ATP2B3: variants seen among roughly 807,000 people sequenced by gnomAD.
The protein encoded by ATP2B3 is plasma membrane calcium-transporting ATPase 3.
In ATP2B3, 12 loss-of-function variants were observed where a neutral mutation model predicts 70.8. The observed-to-expected ratio is 0.17, with a 90% CI of 0.11 to 0.27. The LOEUF (loss-of-function observed/expected upper bound fraction) is 0.27, where lower values mean the gene tolerates loss of function less well. Ranked by LOEUF, ATP2B3 falls within the 10% of genes least tolerant of loss-of-function variation. The probability of loss-of-function intolerance (pLI) is 1.00; values close to 1 mark genes in which losing one functional copy is unlikely to be tolerated. For missense variants in ATP2B3, 858 were observed against 1,118.5 expected (o/e 0.77, Z 3.32); for synonymous variants, 460 against 497.8 (o/e 0.92, Z 1.01).
intron 21 of ATP2B3, among the ~76,000 whole-genome samples, chrX:153,565,828 G>A (rs1324466448): frequency 8.0e-5 from 9 of 112,369 alleles, no homozygotes; most frequent in Non-Finnish European, 1.3e-4. Flanking sequence ...CCTGGCCTCT[G>A]CCCACCACTC....
At position 153,560,847 on chromosome X, in the gene ATP2B3, C is replaced by G; in HGVS notation, c.3011C>G (p.Pro1004Arg). Residue 1004 changes from proline to arginine, a missense_variant, in exon 19 of 22, where the codon CCC becomes CGC. This residue lies in a region of ATP2B3 where 265 missense variants were observed against 305.3 expected (regional missense o/e 0.87). Transcript: ENST00000263519. Reference sequence around the variant, plus strand: ...GTGTTCGACGGCATCTTCAGCAACCCCATCTTCTGCACCATCGTTTTGGGC... The same window carrying G: ...GTGTTCGACGGCATCTTCAGCAACCGCATCTTCTGCACCATCGTTTTGGGC... ...RNVFDGIFSN[P>R]IFCTIVLGTF... The G allele has an allele frequency of 4.1e-6, 5 of 1,212,076 alleles. No homozygotes were observed. The highest frequency in any genetic ancestry group is 5.6e-6 in the Non-Finnish European group (5 of 895,567).
chrX:153,579,892 C>G, intron 21 of ATP2B3, 86 bp from the exon 22 acceptor site: 2 of 895,674 alleles, frequency 2.2e-6, no homozygotes, highest in Non-Finnish European at 3.2e-6. Context: ...TCCTTCCTAC[C>G]TTCCTTCCAC....
At chrX:153,561,024 C>T (rs1016675458) in intron 19 of ATP2B3, 137 bp downstream of exon 19, 10 of 670,045 alleles carry the variant, frequency 1.5e-5, no homozygotes, top group Non-Finnish European at 2.3e-6. Flanking sequence ...ACCTGGCTTT[C>T]CTGTAGCCCC....
At chrX:153,543,936 C>A (rs1161007802) in intron 7 of ATP2B3, among the ~76,000 whole-genome samples, 1 of 36,534 alleles carries the variant, frequency 2.7e-5, no homozygotes, top group South Asian at 1.7e-3. Flanking sequence ...GGCCAGTGCG[C>A]GGGGTGTGGG....
intron 9 of ATP2B3, 118 bp from the exon 10 acceptor site, chrX:153,548,522 C>A (rs782078777): frequency 1.5e-6 from 1 of 654,709 alleles, no homozygotes; most frequent in Non-Finnish European, 2.3e-6. Context: ...CAAGGCAAAT[C>A]TACAAGGCCT....
chrX:153,580,328 G>T lies in ATP2B3; in HGVS notation c.*30G>T. On this transcript the variant is annotated 3_prime_UTR_variant, in exon 22 of 22. Coordinates refer to ENST00000263519, the MANE Select transcript of ATP2B3 (RefSeq NM_001001344.3). Reference sequence around the variant, plus strand: ...AACTTGTCTCAGCACATGCGCACACGCACACTCGGACTCACACGAAGTCAC... The same window carrying T: ...AACTTGTCTCAGCACATGCGCACACTCACACTCGGACTCACACGAAGTCAC... 8.6e-7 allele frequency: 1 copy of T among 1,163,867 alleles called. No individual in the cohort carries two copies. The highest frequency in any genetic ancestry group is 3.0e-5 in the East Asian group (1 of 33,456).
chrX:153,571,442 A>T (rs1055094574), intron 21 of ATP2B3, among the ~76,000 whole-genome samples: 2 of 110,773 alleles, frequency 1.8e-5, no homozygotes, highest in Non-Finnish European at 3.8e-5. Context: ...CCACGGCCCC[A>T]CTCCACGCGT....
In ATP2B3 at chrX:153,556,942, G is replaced by A; in HGVS notation, c.2352G>A (p.Glu784=). Residue 784 remains glutamate, a synonymous_variant, in exon 16 of 22, where the codon GAG becomes GAA. Coordinates refer to ENST00000263519, the MANE Select transcript of ATP2B3 (RefSeq NM_001001344.3). The stretch of plus-strand genomic sequence containing the variant: ...GGATTATCGACAGCACCACTGGTGA[G>A]CAGCGGCAGGTGGTGGCTGTGACAG... The part of the protein sequence containing the change: ...VKGIIDSTTG[E]QRQVVAVTGD... 1 of 1,195,029 alleles carries A rather than the reference G, an allele frequency of 8.4e-7. No individual in the cohort carries two copies. Among genetic ancestry groups the A allele is most frequent in the Non-Finnish European group, 1.1e-6 (1 of 886,985 alleles).
chrX:153,549,694 G>A lies in ATP2B3; in HGVS notation c.1536G>A (p.Leu512=), dbSNP rs781929314. 1 of 1,211,965 alleles carries A rather than the reference G, an allele frequency of 8.3e-7. No homozygotes were observed. Among genetic ancestry groups the A allele is most frequent in the South Asian group, 1.8e-5 (1 of 57,015 alleles). The change falls in exon 11 of 22, where the codon CTG becomes CTA. Residue 512 remains leucine, a synonymous_variant. Transcript: ENST00000263519. ...SALTPKILDL[L]VHAISINSAY... ...TGACCCCTAAGATCCTCGACCTCCT[G>A]GTCCATGCCATCTCCATCAACAGTG...
At chrX:153,577,872 G>A (rs945417562) in intron 21 of ATP2B3, among the ~76,000 whole-genome samples, 2 of 111,220 alleles carry the variant, frequency 1.8e-5, no homozygotes, top group South Asian at 3.8e-4. Flanking sequence ...AGCCCGCCTC[G>A]GCCTCCCAAA....
chrX:153,536,084 A>C (rs1423583592), intron 2 of ATP2B3, 38 bp from the exon 3 acceptor site: 1 of 526,249 alleles, frequency 1.9e-6, no homozygotes, highest in East Asian at 3.6e-5. Flanking sequence ...TTTTGTCTCA[A>C]CCACTCCCCT....
Position 153,547,969 on chromosome X carries a change from A to G in ATP2B3, c.1093A>G (p.Thr365Ala), listed in dbSNP as rs1212046896. The change falls in exon 9 of 22, where the codon ACA (threonine) becomes GCA (alanine). Residue 365 changes from threonine (T) to alanine (A), a missense_variant. Thr to Ala is a moderately conservative substitution (Grantham distance 58). Transcript: ENST00000263519. ...KEKSVLQGKL[T>A]KLAVQIGKAG... The stretch of plus-strand genomic sequence containing the variant: ...GAAGTCTGTCCTTCAGGGGAAGCTC[A>G]CAAAGCTAGCCGTGCAGATCGGGAA... 1 of 1,207,558 alleles carries G rather than the reference A, an allele frequency of 8.3e-7. No individual in the cohort carries two copies. Among genetic ancestry groups the G allele is most frequent in the African/African-American group, 1.7e-5 (1 of 57,400 alleles).
At chrX:153,541,068 G>A (rs1455241038) in intron 3 of ATP2B3, among the ~76,000 whole-genome samples, 14 of 112,363 alleles carry the variant, frequency 1.2e-4, no homozygotes, top group African/African-American at 4.5e-4. Flanking sequence ...GGACCCGCTG[G>A]AGTCCAGGAG....
At position 153,559,580 on chromosome X, in the gene ATP2B3, G is replaced by A; in HGVS notation, c.2626-149G>A. On this transcript the variant is annotated intron_variant, in intron 17 of 21. Coordinates refer to ENST00000263519, the MANE Select transcript of ATP2B3 (RefSeq NM_001001344.3). ...AAAGAAAACGCCCCACTAGCGTAAA[G>A]GCGATGTAGGGATGGAGATGTCTGT... 6 of 496,762 alleles carry A rather than the reference G, an allele frequency of 1.2e-5. No homozygotes were observed. The Admixed American group carries it at 1.7e-4, about 14-fold the overall frequency. The allele number at this position is 496,762 out of a possible 1,213,427, so 40.9% of individuals were successfully genotyped here.
At chrX:153,555,948 G>T in intron 13 of ATP2B3, 101 bp from the exon 14 acceptor site, 2 of 998,349 alleles carry the variant, frequency 2.0e-6, no homozygotes, top group Admixed American at 4.6e-5. Context: ...ACCTCTGCTG[G>T]ACCTTGGGCC....
chrX:153,520,210 G>T (rs916043738), intron 2 of ATP2B3, among the ~76,000 whole-genome samples: 1 of 112,671 alleles, frequency 8.9e-6, no homozygotes, highest in African/African-American at 3.2e-5. Context: ...ATGCAGCCAC[G>T]GAGTGCCGGG....
chrX:153,546,021 C>T (rs2090360372), intron 7 of ATP2B3, 67 bp from the exon 8 acceptor site: 1 of 1,168,654 alleles, frequency 8.6e-7, no homozygotes, highest in Non-Finnish European at 1.2e-6. Flanking sequence ...TCCCCACCCC[C>T]TCTGCCACGC....
At chrX:153,542,196 C>T (rs1435190229) in intron 5 of ATP2B3, 127 bp from the exon 6 acceptor site, 7 of 1,034,570 alleles carry the variant, frequency 6.8e-6, no homozygotes, top group East Asian at 3.1e-5. Context: ...CAAATGTCCT[C>T]GTTCCCCAGA....
intron 13 of ATP2B3, among the ~76,000 whole-genome samples, chrX:153,555,663 C>T (rs1219357050): frequency 8.9e-6 from 1 of 112,422 alleles, no homozygotes; most frequent in African/African-American, 3.2e-5. Context: ...TCGCTTTCCA[C>T]TCAGCACTGG....
Sources: gnomAD v4.1 joint callset for allele counts (sites outside exome capture counted in the v4.1 genomes callset) on GRCh38, gnomAD v4.1.1 for gene constraint, gnomAD v4.1.1 regional missense constraint, MANE v1.5 for transcripts, NCBI Gene and HGNC (gene_info 2026-07-23, HGNC 2026-07-21) for gene names.